IQGAP1: variants seen among roughly 807,000 people sequenced by gnomAD.
IQGAP1 encodes the protein ras GTPase-activating-like protein IQGAP1.
A neutral mutation model predicts 215.6 loss-of-function variants in IQGAP1; 66 were observed. The observed-to-expected ratio is 0.31, with a 90% CI of 0.25 to 0.38. The LOEUF (loss-of-function observed/expected upper bound fraction) is 0.38. Among genes scored for constraint, IQGAP1 ranks in the 10% least tolerant of loss-of-function variants. The pLI, the probability that IQGAP1 is intolerant of heterozygous loss-of-function variation, is 1.00. For synonymous variants in IQGAP1, 772 were observed against 728.7 expected (o/e 1.06, Z -0.96); for missense variants, 1,712 against 1,997.1 (o/e 0.86, Z 2.72).
chr15:90,479,220 T>C (rs1348513641), intron 26 of IQGAP1, among the ~76,000 whole-genome samples: 1 of 152,172 alleles, frequency 6.6e-6, no homozygotes, highest in Non-Finnish European at 1.5e-5. Context: ...TTAGTTTAAC[T>C]GATACTTTTT....
chr15:90,397,740 TCTC>T (rs1964743941), intron 2 of IQGAP1: 1 of 151,374 alleles, frequency 6.6e-6, no homozygotes, highest in Non-Finnish European at 1.5e-5. Context: ...ATGGTCTCGA[TCTC>T]CTGACCTCGT....
intron 15 of IQGAP1, among the ~76,000 whole-genome samples, chr15:90,461,468 C>T (rs1189039366): frequency 6.6e-6 from 1 of 152,218 alleles, no homozygotes; most frequent in Non-Finnish European, 1.5e-5. Flanking sequence ...AAGTGGATTA[C>T]TAGTCGTGAG....
At chr15:90,475,860 A>G (rs978572643) in intron 23 of IQGAP1, 2 of 151,714 alleles carry the variant, frequency 1.3e-5, no homozygotes, top group Non-Finnish European at 2.9e-5. Context: ...CACCTACCCC[A>G]GTCATTTTGT....
At chr15:90,439,281 G>A (rs1596266518) in intron 5 of IQGAP1, 51 bp from the exon 6 acceptor site, 1 of 1,437,188 alleles carries the variant, frequency 7.0e-7, no homozygotes, top group Non-Finnish European at 9.7e-7. Context: ...TTTAAGGGTG[G>A]CAGCTAGGCA....
At chr15:90,480,539 A>G (rs987782313) in intron 26 of IQGAP1, among the ~76,000 whole-genome samples, 12 of 152,154 alleles carry the variant, frequency 7.9e-5, no homozygotes, top group Non-Finnish European at 1.3e-4. Context: ...GTTAAGTTCC[A>G]TGTATTTATT....
intron 14 of IQGAP1, 24 bp from the exon 15 acceptor site, chr15:90,456,128 A>G (rs755141255): frequency 1.9e-5 from 31 of 1,598,080 alleles, no homozygotes; most frequent in African/African-American, 1.4e-4. Context: ...AGAAAAAAAA[A>G]ACTTTCTGTC....
chr15:90,454,413 G>T lies in IQGAP1; in HGVS notation c.1488-15G>T. 2.5e-6 allele frequency: 4 copies of T among 1,612,986 alleles called. No individual in the cohort carries two copies. The highest frequency in any genetic ancestry group is 2.5e-6 in the Non-Finnish European group (3 of 1,179,434). On this transcript the variant is annotated splice_polypyrimidine_tract_variant and intron_variant, in intron 13 of 37. Coordinates refer to ENST00000268182, the MANE Select transcript of IQGAP1 (RefSeq NM_003870.4). ...GCTGTGCTTAATGCTCTTTTTACTT[G>T]GGGGTCTGGGGCAGGTATCTCGATG...
intron 7 of IQGAP1, 91 bp downstream of exon 7, chr15:90,440,706 A>C (rs1965436554): frequency 2.5e-6 from 2 of 793,300 alleles, no homozygotes; most frequent in Non-Finnish European, 4.1e-6. Flanking sequence ...GACATTATGA[A>C]TCTTGCCAGC....
chr15:90,426,097 T>C lies in IQGAP1; in HGVS notation c.156-13T>C, dbSNP rs1457258644. ...TCCCTTTCTTTTTTTGCATCCTCTC[T>C]CCTTTGGTGCAGGTGGATGGAAGCA... On this transcript the variant is annotated splice_polypyrimidine_tract_variant and intron_variant, in intron 2 of 37. Coordinates refer to ENST00000268182, the MANE Select transcript of IQGAP1 (RefSeq NM_003870.4). 6.3e-7 allele frequency: 1 copy of C among 1,588,646 alleles called. No homozygotes were observed. The highest frequency in any genetic ancestry group is 1.4e-5 in the African/African-American group (1 of 73,006).
intron 2 of IQGAP1, among the ~76,000 whole-genome samples, chr15:90,394,612 C>T (rs560443050): frequency 6.6e-6 from 1 of 152,248 alleles, no homozygotes; most frequent in South Asian, 2.1e-4. Context: ...GCCCCTCTTT[C>T]CCCTCTAGCG....
At chr15:90,469,378 C>G (rs552361213) in intron 18 of IQGAP1, among the ~76,000 whole-genome samples, 12 of 152,176 alleles carry the variant, frequency 7.9e-5, no homozygotes, top group Non-Finnish European at 1.6e-4. Flanking sequence ...GAAATAGTCC[C>G]TTTATTTAGG....
At chr15:90,499,168 T>C (rs967059867) in intron 37 of IQGAP1, among the ~76,000 whole-genome samples, 3 of 152,140 alleles carry the variant, frequency 2.0e-5, no homozygotes, top group Non-Finnish European at 4.4e-5. Context: ...ACCACTCTTA[T>C]AAAGTTCAGA....
chr15:90,407,216 A>C (rs550081181), intron 2 of IQGAP1, among the ~76,000 whole-genome samples: 1 of 152,220 alleles, frequency 6.6e-6, no homozygotes, highest in South Asian at 2.1e-4. Context: ...AGCGTGTTCG[A>C]TGAGTATGAC....
intron 15 of IQGAP1, 35 bp downstream of exon 15, chr15:90,456,350 G>A (rs1965680324): frequency 6.2e-7 from 1 of 1,608,102 alleles, no homozygotes; most frequent in African/African-American, 1.3e-5. Context: ...TATGTTCAGA[G>A]CACCTCAGCC....
At chr15:90,433,290 T>C (rs887169395) in intron 4 of IQGAP1, among the ~76,000 whole-genome samples, 8 of 152,200 alleles carry the variant, frequency 5.3e-5, no homozygotes, top group African/African-American at 1.7e-4. Flanking sequence ...TAAATGTTCA[T>C]TGTTGAGTTG....
At chr15:90,488,088 G>A (rs1184273320) in intron 33 of IQGAP1, among the ~76,000 whole-genome samples, 2 of 152,262 alleles carry the variant, frequency 1.3e-5, no homozygotes, top group East Asian at 3.9e-4. Flanking sequence ...AGGCTAGGTG[G>A]TAGATGCCTG....
intron 18 of IQGAP1, among the ~76,000 whole-genome samples, chr15:90,468,090 CAG>C (rs759022862): frequency 2.0e-5 from 3 of 150,396 alleles, no homozygotes; most frequent in South Asian, 2.1e-4. Flanking sequence ...TTTTTTGAAA[CAG>C]AGTCTCACTG....
In IQGAP1 at chr15:90,456,226, A is replaced by C; in HGVS notation, c.1687A>C (p.Ile563Leu). The C allele has an allele frequency of 6.2e-7, 1 of 1,614,062 alleles. No individual in the cohort carries two copies. Among genetic ancestry groups the C allele is most frequent in the Non-Finnish European group, 8.5e-7 (1 of 1,179,916 alleles). ...CCAAAAGACTCTGCAGGCCCTACAG[A>C]TTCCTGCAGCTAAACTTGAGGGAGT... is the stretch of plus-strand genomic sequence containing the variant. ...DAQKTLQALQ[I>L]PAAKLEGVLA... The change falls in exon 15 of 38, where the codon ATT (isoleucine) becomes CTT (leucine). Residue 563 changes from isoleucine to leucine, a missense_variant. By Grantham distance (5) the Ile-to-Leu change is conservative. Around this residue, in one of 2 missense-constraint regions of IQGAP1, gnomAD observed 1,021 missense variants for 1,074.2 expected, o/e 0.95. Coordinates refer to ENST00000268182, the MANE Select transcript of IQGAP1 (RefSeq NM_003870.4).
At position 90,434,477 on chromosome 15, in the gene IQGAP1, T is replaced by C. The variant is rs535496928; in HGVS notation, c.467+682T>C. ...ATAATCATAATAATAATAATAATTTTTGTACCAACACAAACATGATAGTAA... is the reference window on the plus strand; with the variant it reads ...ATAATCATAATAATAATAATAATTTCTGTACCAACACAAACATGATAGTAA... On this transcript the variant is annotated intron_variant, in intron 5 of 37. Coordinates refer to ENST00000268182, the MANE Select transcript of IQGAP1 (RefSeq NM_003870.4). Among the ~76,000 whole-genome samples the C allele has an allele frequency of 6.4e-4, 98 of 152,082 alleles. 2 individuals are homozygous for C. The South Asian group carries it at 0.02, about 32-fold the overall frequency.
Sources: allele counts gnomAD v4.1 joint callset (sites outside exome capture counted in the v4.1 genomes callset), GRCh38; gene constraint gnomAD v4.1.1; regional missense constraint gnomAD v4.1.1; transcripts MANE v1.5; gene names NCBI Gene and HGNC (gene_info 2026-07-23, HGNC 2026-07-21).